Variants in AGBL4 observed in about 807,000 individuals in gnomAD.
The protein encoded by AGBL4 is AGBL carboxypeptidase 4, also known as cytosolic carboxypeptidase 6.
A neutral mutation model predicts 66.4 loss-of-function variants in AGBL4; 58 were observed. The observed-to-expected ratio is 0.87, with a 90% CI of 0.71 to 1.09. The LOEUF (loss-of-function observed/expected upper bound fraction) is 1.09. AGBL4 is among the 50% of genes least tolerant of loss of function. The pLI, the probability that AGBL4 is intolerant of heterozygous loss-of-function variation, is 0.00. For synonymous variants in AGBL4, 234 were observed against 222.9 expected (o/e 1.05, Z -0.44); for missense variants, 579 against 631.0 (o/e 0.92, Z 0.88).
At chr1:49,207,605 C>CTTTCTTTCTTTCTTTCTTTCTTT (rs1570070367) in intron 4 of AGBL4, among the ~76,000 whole-genome samples, 1 of 11,472 alleles carries the variant, frequency 8.7e-5, no homozygotes. Flanking sequence ...TTTCTTTCTT[C>CTTTCTTTCTTTCTTTCTTTCTTT]TTTTTATTTT....
chr1:49,785,141 A>ATAG (rs1336433356), intron 2 of AGBL4, among the ~76,000 whole-genome samples: 2 of 152,080 alleles, frequency 1.3e-5, no homozygotes, highest in African/African-American at 4.8e-5. Context: ...ATAGAAGTAG[A>ATAG]TAGTAGAATG....
intron 3 of AGBL4, among the ~76,000 whole-genome samples, chr1:49,688,165 T>G (rs1646820957): frequency 6.6e-6 from 1 of 152,182 alleles, no homozygotes; most frequent in African/African-American, 2.4e-5. Flanking sequence ...GTCTTATTCA[T>G]ACTTTCTAAC....
At chr1:49,831,278 T>C (rs537093394) in intron 2 of AGBL4, among the ~76,000 whole-genome samples, 1 of 152,338 alleles carries the variant, frequency 6.6e-6, no homozygotes, top group South Asian at 2.1e-4. Flanking sequence ...TCCTCTCTTA[T>C]TTCCTTGAGC....
intron 11 of AGBL4, among the ~76,000 whole-genome samples, chr1:48,573,718 A>G (rs1644605427): frequency 6.6e-6 from 1 of 152,196 alleles, no homozygotes; most frequent in Non-Finnish European, 1.5e-5. Context: ...TTTCCATGAA[A>G]CCTATAATCC....
At chr1:49,121,143 G>T (rs1645645116) in intron 4 of AGBL4, among the ~76,000 whole-genome samples, 1 of 152,074 alleles carries the variant, frequency 6.6e-6, no homozygotes, top group South Asian at 2.1e-4. Context: ...CCTTGTGATG[G>T]GTTCGAACAT....
At chr1:48,727,336 G>A (rs1006525579) in intron 6 of AGBL4, among the ~76,000 whole-genome samples, 3 of 152,184 alleles carry the variant, frequency 2.0e-5, no homozygotes, top group African/African-American at 7.2e-5. Flanking sequence ...TGAAGTCAGA[G>A]AAAGAGATCT....
chr1:49,440,668 G>T (rs1321619793), intron 3 of AGBL4, among the ~76,000 whole-genome samples: 1 of 152,200 alleles, frequency 6.6e-6, no homozygotes, highest in Non-Finnish European at 1.5e-5. Context: ...ACTACCCTGA[G>T]TGAGTCTTAT....
chr1:49,822,794 G>A (rs149233029), intron 2 of AGBL4, among the ~76,000 whole-genome samples: 7 of 152,040 alleles, frequency 4.6e-5, no homozygotes, highest in Non-Finnish European at 1.0e-4. Context: ...TGCAATGATG[G>A]GGACTGGAGA....
chr1:49,303,024 A>G (rs1375252290), intron 3 of AGBL4, among the ~76,000 whole-genome samples: 1 of 152,040 alleles, frequency 6.6e-6, no homozygotes, highest in Non-Finnish European at 1.5e-5. Context: ...ATAGTATTTC[A>G]TGTATATATG....
At chr1:49,377,893 GAC>G (rs1363426939) in intron 3 of AGBL4, among the ~76,000 whole-genome samples, 1 of 152,064 alleles carries the variant, frequency 6.6e-6, no homozygotes, top group Non-Finnish European at 1.5e-5. Flanking sequence ...ACCCTGAAAA[GAC>G]AGTCTGAAAC....
intron 2 of AGBL4, chr1:49,841,823 G>A: frequency 2.6e-6 from 1 of 383,578 alleles, no homozygotes; most frequent in Non-Finnish European, 4.8e-6. Context: ...AATCCCACCG[G>A]CACCACGGCC....
At chr1:48,843,212 A>C (rs1646843288) in intron 6 of AGBL4, among the ~76,000 whole-genome samples, 1 of 152,176 alleles carries the variant, frequency 6.6e-6, no homozygotes, top group Non-Finnish European at 1.5e-5. Context: ...CTTATAAAAA[A>C]AATTTATATG....
intron 1 of AGBL4, among the ~76,000 whole-genome samples, chr1:49,946,905 T>TG (rs750507441): frequency 1.7e-4 from 26 of 151,710 alleles, no homozygotes; most frequent in Non-Finnish European, 3.5e-4. Flanking sequence ...ATACAAAAGA[T>TG]CATTCAAGGC....
chr1:49,767,041 A>G (rs1035097990), intron 2 of AGBL4, among the ~76,000 whole-genome samples: 1 of 152,160 alleles, frequency 6.6e-6, no homozygotes, highest in Non-Finnish European at 1.5e-5. Flanking sequence ...ACTAAAATGC[A>G]GATGATCAAA....
chr1:49,919,521 C>T (rs1031503974), intron 1 of AGBL4, among the ~76,000 whole-genome samples: 2 of 152,070 alleles, frequency 1.3e-5, no homozygotes, highest in African/African-American at 4.8e-5. Context: ...CCTAGGAATC[C>T]AACTTACAAG....
intron 3 of AGBL4, among the ~76,000 whole-genome samples, chr1:49,523,681 T>G (rs902163097): frequency 6.6e-6 from 1 of 152,054 alleles, no homozygotes; most frequent in African/African-American, 2.4e-5. Flanking sequence ...TGATGTCAAC[T>G]CAAATTAATA....
At chr1:49,573,637 G>T (rs527873520) in intron 3 of AGBL4, among the ~76,000 whole-genome samples, 2 of 152,248 alleles carry the variant, frequency 1.3e-5, no homozygotes, top group African/African-American at 2.4e-5. Context: ...TGCTAAGATT[G>T]CCCTGAGTGA....
At chr1:49,942,132 T>C (rs1420598578) in intron 1 of AGBL4, among the ~76,000 whole-genome samples, 3 of 152,068 alleles carry the variant, frequency 2.0e-5, no homozygotes, top group Non-Finnish European at 4.4e-5. Flanking sequence ...AATAAATTCA[T>C]TCAAGTAAAT....
intron 3 of AGBL4, among the ~76,000 whole-genome samples, chr1:49,659,073 A>G (rs1387100092): frequency 6.6e-6 from 1 of 152,184 alleles, no homozygotes; most frequent in Non-Finnish European, 1.5e-5. Context: ...TAGCTTCATA[A>G]ACAAAGGAGA....
Sources: allele counts gnomAD v4.1 joint callset (sites outside exome capture counted in the v4.1 genomes callset), GRCh38; gene constraint gnomAD v4.1.1; transcripts MANE v1.5; gene names NCBI Gene and HGNC (gene_info 2026-07-23, HGNC 2026-07-21).